The following PSMD2 variants were observed in gnomAD, a reference collection of about 807,000 sequenced individuals.
PSMD2 encodes 26S proteasome non-ATPase regulatory subunit 2.
In PSMD2, 8 loss-of-function variants were observed where a neutral mutation model predicts 101.5. The ratio of observed to expected loss-of-function variants is 0.08; its 90% CI spans 0.05 to 0.14. PSMD2 has a LOEUF of 0.14. PSMD2 is among the 10% of genes least tolerant of loss of function. The pLI is 1.00. For missense variants in PSMD2, 784 were observed against 1,147.4 expected (o/e 0.68, Z 4.58); for synonymous variants, 418 against 433.8 (o/e 0.96, Z 0.45).
intron 6 of PSMD2, 31 bp from the exon 7 acceptor site, chr3:184,302,648 T>C (rs1429454470): frequency 1.2e-6 from 2 of 1,613,772 alleles, no homozygotes; most frequent in South Asian, 2.2e-5. Flanking sequence ...TAGTGGACAG[T>C]GATGAGCAGA....
In PSMD2 at chr3:184,304,050, C is replaced by T; in HGVS notation, c.1427C>T (p.Thr476Ile). Residue 476 changes from threonine (T) to isoleucine (I), a missense_variant, in exon 11 of 21, where the codon ACC becomes ATC. Physicochemically the swap from Thr to Ile is moderately conservative, Grantham distance 89. Around this residue, in one of 6 missense-constraint regions of PSMD2, gnomAD observed 282 missense variants for 437.6 expected, o/e 0.64. Transcript: ENST00000310118. This position sits in a 1 kb window ranked among gnomAD's most constrained non-coding sequence, Gnocchi z 4.1. ...GACTATGTTCTCCACAACAGCAACACCATGAGACTTGGTTCCATCTTTGGG... is the reference window on the plus strand; with the variant it reads ...GACTATGTTCTCCACAACAGCAACATCATGAGACTTGGTTCCATCTTTGGG... ...LSDYVLHNSN[T>I]MRLGSIFGLG... The T allele has an allele frequency of 6.2e-7, 1 of 1,614,190 alleles. No homozygotes were observed. Among genetic ancestry groups the T allele is most frequent in the Non-Finnish European group, 8.5e-7 (1 of 1,180,030 alleles).
Position 184,302,446 on chromosome 3 carries a change from C to G in PSMD2, c.781C>G (p.Arg261Gly), listed in dbSNP as rs777066270. 1 of 1,614,134 alleles carries G rather than the reference C, an allele frequency of 6.2e-7. No individual in the cohort carries two copies. Among genetic ancestry groups the G allele is most frequent in the Non-Finnish European group, 8.5e-7 (1 of 1,180,026 alleles). The change falls in exon 6 of 21, where the codon CGC (arginine) becomes GGC (glycine). Residue 261 changes from arginine to glycine, a missense_variant. By Grantham distance (125) the Arg-to-Gly change is moderately radical. Transcript: ENST00000310118. ...CALGVFRKFS[R>G]FPEALRLALM... ...CCTGGGTGTGTTCCGAAAGTTTAGCCGCTTCCCTGAAGCTCTGAGATTGGC... is the reference window on the plus strand; with the variant it reads ...CCTGGGTGTGTTCCGAAAGTTTAGCGGCTTCCCTGAAGCTCTGAGATTGGC...
intron 15 of PSMD2, 38 bp from the exon 16 acceptor site, chr3:184,306,713 C>G: frequency 2.5e-6 from 4 of 1,592,134 alleles, no homozygotes; most frequent in Non-Finnish European, 3.4e-6. Context: ...TTTTTTATTC[C>G]TTGAGCTTAA....
intron 16 of PSMD2, among the ~76,000 whole-genome samples, chr3:184,307,046 G>A (rs1343949808): frequency 6.6e-6 from 1 of 152,166 alleles, no homozygotes. Context: ...CCGGGTTCAG[G>A]TGATTCTCCT....
chr3:184,306,759 T>A lies in PSMD2; in HGVS notation c.1959T>A (p.Ala653=). 1 of 1,613,532 alleles carries A rather than the reference T, an allele frequency of 6.2e-7. No homozygotes were observed. The highest frequency in any genetic ancestry group is 1.3e-5 in the African/African-American group (1 of 74,986). ...PADMGAHQGV[A]VLGIALIAMG... is the part of the protein sequence containing the mutation. The stretch of plus-strand genomic sequence containing the variant: ...TCTCTCTTCAATTGCAGGGAGTGGC[T>A]GTTCTGGGGATTGCCCTTATTGCTA... Residue 653 remains alanine (A), a synonymous_variant, in exon 16 of 21, where the codon GCT becomes GCA. Coordinates refer to ENST00000310118, the MANE Select transcript of PSMD2 (RefSeq NM_002808.5).
At chr3:184,306,891 C>T in intron 16 of PSMD2, 57 bp downstream of exon 16, 1 of 1,410,342 alleles carries the variant, frequency 7.1e-7, no homozygotes. Context: ...TGGGGTTCCC[C>T]AGGGAAGATT....
At position 184,301,548 on chromosome 3, in the gene PSMD2, T is replaced by G. The variant is rs140807459; in HGVS notation, c.369T>G (p.Ala123=). The G allele has an allele frequency of 1.9e-6, 3 of 1,613,696 alleles. No homozygotes were observed. The African/African-American group carries it at 4.0e-5, about 22-fold the overall frequency. The change falls in exon 4 of 21, where the codon GCT becomes GCG. Residue 123 remains alanine (A), a synonymous_variant. Coordinates refer to ENST00000310118, the MANE Select transcript of PSMD2 (RefSeq NM_002808.5). ...TCTTTTCTTTATAGCGTTTTGCTGCTGACATCATCTCCGTTTTGGCCATGA... is the reference window on the plus strand; with the variant it reads ...TCTTTTCTTTATAGCGTTTTGCTGCGGACATCATCTCCGTTTTGGCCATGA... The part of the protein sequence containing the change: ...MAPGENKRFA[A]DIISVLAMTM...
intron 3 of PSMD2, 148 bp downstream of exon 3, chr3:184,300,592 A>G (rs1455062478): frequency 2.8e-6 from 4 of 1,428,866 alleles, no homozygotes; most frequent in Admixed American, 3.1e-5. Context: ...AAATATCTAC[A>G]GAAGAGCTGA....
rs1466935065 is a variant in PSMD2, at chr3:184,306,292, A to G, written c.1805-58A>G. On this transcript the variant is annotated intron_variant, in intron 14 of 20. Transcript: ENST00000310118. Reference sequence around the variant, plus strand: ...TTCTTTAGACTTCTCCTGTTTTCCAAAGCTTTTCCTTGGTAACTTCTCATT... The same window carrying G: ...TTCTTTAGACTTCTCCTGTTTTCCAGAGCTTTTCCTTGGTAACTTCTCATT... The G allele has an allele frequency of 3.7e-5, 59 of 1,597,658 alleles. No individual in the cohort carries two copies. Among genetic ancestry groups the G allele is most frequent in the East Asian group, 4.5e-5 (2 of 44,758 alleles).
intron 17 of PSMD2, 43 bp downstream of exon 17, chr3:184,307,568 G>T (rs779192798): frequency 3.1e-6 from 5 of 1,614,076 alleles, no homozygotes; most frequent in Non-Finnish European, 4.2e-6. Context: ...ATTGGGGGAA[G>T]ATTTGAAGCC....
In PSMD2 at chr3:184,306,481, A is replaced by C; in HGVS notation, c.1936A>C (p.Met646Leu). 1 of 1,613,922 alleles carries C rather than the reference A, an allele frequency of 6.2e-7. No individual in the cohort carries two copies. Among genetic ancestry groups the C allele is most frequent in the East Asian group, 2.2e-5 (1 of 44,890 alleles). Reference sequence around the variant, plus strand: ...GGACAAGAAGGAAGCCCCTGCTGACATGGGAGCACATCAGGTTATATGGGC... The same window carrying C: ...GGACAAGAAGGAAGCCCCTGCTGACCTGGGAGCACATCAGGTTATATGGGC... ...DKDKKEAPAD[M>L]GAHQGVAVLG... The change falls in exon 15 of 21, where the codon ATG becomes CTG. Residue 646 changes from methionine (M) to leucine (L), a missense_variant. Met to Leu is a conservative substitution (Grantham distance 15, BLOSUM62 2). Transcript: ENST00000310118.
rs981924911 is a variant in PSMD2 at position 184,300,423 on chromosome 3, C to T, written c.336C>T (p.Asn112=). The T allele has an allele frequency of 6.2e-7, 1 of 1,614,098 alleles. No homozygotes were observed. Residue 112 remains asparagine (N), a synonymous_variant, in exon 3 of 21, where the codon AAC becomes AAT. Transcript: ENST00000310118. The part of the protein sequence containing the change: ...HYGKLKEIYE[N]MAPGENKRFA... ...GCAAACTGAAGGAAATCTATGAGAA[C>T]ATGGCCCCTGGGGAGAATAAGGTAA...
intron 2 of PSMD2, 38 bp from the exon 3 acceptor site, chr3:184,300,242 G>C: frequency 6.4e-7 from 1 of 1,571,948 alleles, no homozygotes; most frequent in Non-Finnish European, 8.7e-7. Flanking sequence ...GAAGGGGTGT[G>C]ACTCCTTTTT....
intron 2 of PSMD2, 92 bp from the exon 3 acceptor site, chr3:184,300,188 T>G (rs1721594466): frequency 3.1e-6 from 4 of 1,294,240 alleles, no homozygotes; most frequent in Admixed American, 2.2e-5. Flanking sequence ...ACACAGCATT[T>G]CCTTGGAGGA....
At chr3:184,305,715 A>G (rs1721808511) in intron 12 of PSMD2, 53 bp from the exon 13 acceptor site, 1 of 1,526,802 alleles carries the variant, frequency 6.5e-7, no homozygotes, top group South Asian at 1.2e-5. Flanking sequence ...TTGAATCAAG[A>G]CATAAATATT....
chr3:184,308,159 A>T lies in PSMD2; in HGVS notation c.2425+143A>T. The T allele has an allele frequency of 1.8e-6, 2 of 1,134,762 alleles. No individual in the cohort carries two copies. Among genetic ancestry groups the T allele is most frequent in the Non-Finnish European group, 2.5e-6 (2 of 814,686 alleles). 70.3% of individuals were successfully genotyped at this position (1,134,762 alleles called of 1,614,324 possible). On this transcript the variant is annotated intron_variant, in intron 19 of 20. Transcript: ENST00000310118. This position sits in a 1 kb window ranked among gnomAD's most constrained non-coding sequence, Gnocchi z 6.0. Reference sequence around the variant, plus strand: ...TTCTGAGACAGGCTTTGGGCCTGTGACATGAGACTTTCATCACCCACACTT... The same window carrying T: ...TTCTGAGACAGGCTTTGGGCCTGTGTCATGAGACTTTCATCACCCACACTT...
intron 6 of PSMD2, 61 bp from the exon 7 acceptor site, chr3:184,302,618 G>A (rs1055702965): frequency 1.1e-5 from 17 of 1,612,406 alleles, no homozygotes; most frequent in Non-Finnish European, 1.1e-5. Flanking sequence ...GTTAGGGCTT[G>A]AGGGGTTTTC....
intron 12 of PSMD2, among the ~76,000 whole-genome samples, chr3:184,305,353 G>C (rs951420952): frequency 2.6e-5 from 4 of 152,140 alleles, no homozygotes; most frequent in African/African-American, 9.7e-5. Flanking sequence ...GCTGGGCGTG[G>C]TGGCGCGCAC....
chr3:184,308,446 C>T lies in PSMD2; in HGVS notation c.2426-3C>T. The T allele has an allele frequency of 6.2e-7, 1 of 1,600,492 alleles. No individual in the cohort carries two copies. The highest frequency in any genetic ancestry group is 1.1e-5 in the South Asian group (1 of 89,680). On this transcript the variant is annotated splice_region_variant and splice_polypyrimidine_tract_variant and intron_variant, in intron 19 of 20. Transcript: ENST00000310118. This position sits in a 1 kb window ranked among gnomAD's most constrained non-coding sequence, Gnocchi z 6.0. ...AACTTTTTGTCCTGTCTGCTTCCCT[C>T]AGTTATTCTAGGCAAATCACACTAT...
Sources: allele counts gnomAD v4.1 joint callset (sites outside exome capture counted in the v4.1 genomes callset), GRCh38; gene constraint gnomAD v4.1.1; regional missense constraint gnomAD v4.1.1; non-coding constraint Gnocchi (gnomAD v3.1); transcripts MANE v1.5; gene names NCBI Gene and HGNC (gene_info 2026-07-23, HGNC 2026-07-21).